CPLANE1: variants seen among roughly 807,000 people sequenced by gnomAD.
The protein encoded by CPLANE1 is ciliogenesis and planar polarity effector 1.
CPLANE1 carries 263 observed loss-of-function variants against 362.5 expected under a neutral mutation model. That is an observed-to-expected ratio of 0.73 (90% CI 0.66 to 0.80). CPLANE1 has a LOEUF of 0.80. Ranked by LOEUF, CPLANE1 falls within the 30% of genes least tolerant of loss-of-function variation. The pLI, the probability that CPLANE1 is intolerant of heterozygous loss-of-function variation, is 0.00. For synonymous variants in CPLANE1, 1,212 were observed against 1,302.6 expected (o/e 0.93, Z 1.50); for missense variants, 3,461 against 3,793.4 (o/e 0.91, Z 2.30).
chr5:37,165,544 G>A lies in CPLANE1; in HGVS notation c.7528C>T (p.Pro2510Ser). Residue 2510 changes from proline (P) to serine (S), a missense_variant, in exon 36 of 53, where the codon CCC becomes TCC. Coordinates refer to ENST00000651892, the MANE Select transcript of CPLANE1 (RefSeq NM_001384732.1). ...CTATAGCAGTTTTTCTATACCTTGG[G>A]TTTCTTAATGATTTCTGAATCATCA... is the stretch of plus-strand genomic sequence containing the variant. ...NNDDSEIIKK[P>S]KEQQEHCGSH... The A allele has an allele frequency of 6.2e-7, 1 of 1,608,134 alleles. No individual in the cohort carries two copies. The highest frequency in any genetic ancestry group is 2.2e-5 in the East Asian group (1 of 44,760).
chr5:37,144,472 C>T (rs2098713), intron 43 of CPLANE1, among the ~76,000 whole-genome samples: 74,535 of 150,564 alleles, frequency 0.5, 20,886 homozygotes, highest in African/African-American at 0.78. Flanking sequence ...AGAGAAAATA[C>T]CAGAGAGCAT....
chr5:37,116,227 G>A (rs1760914267), intron 50 of CPLANE1, among the ~76,000 whole-genome samples: 1 of 152,090 alleles, frequency 6.6e-6, no homozygotes, highest in African/African-American at 2.4e-5. Flanking sequence ...GCTCACACCT[G>A]TAATCCCATC....
chr5:37,110,250 T>G (rs1758762363), intron 51 of CPLANE1, among the ~76,000 whole-genome samples: 1 of 152,132 alleles, frequency 6.6e-6, no homozygotes, highest in South Asian at 2.1e-4. Flanking sequence ...CCACCATATC[T>G]CTCGTCACCT....
intron 15 of CPLANE1, among the ~76,000 whole-genome samples, chr5:37,219,189 A>G: frequency 6.6e-6 from 1 of 152,008 alleles, no homozygotes; most frequent in East Asian, 1.9e-4. Flanking sequence ...CAGCCTGCGC[A>G]ATATACCAAG....
chr5:37,107,962 A>G (rs1758008699), intron 52 of CPLANE1, among the ~76,000 whole-genome samples, 184 bp from the exon 53 acceptor site: 1 of 152,224 alleles, frequency 6.6e-6, no homozygotes. Context: ...GATGGACAAG[A>G]GCTGAACATC....
At chr5:37,085,562 T>C in the CPLANE1 span, 1 of 835,516 alleles carries the variant, frequency 1.2e-6, no homozygotes, top group East Asian at 2.4e-5. Context: ...GCAAGATTAC[T>C]GTTTTCATCA....
chr5:37,075,758 CCTT>C, the CPLANE1 span, among the ~76,000 whole-genome samples: 1 of 152,160 alleles, frequency 6.6e-6, no homozygotes, highest in Non-Finnish European at 1.5e-5. Context: ...AAGCTTGCTG[CCTT>C]CTTCCCGGAA....
In CPLANE1 at chr5:37,247,717, G is replaced by T; in HGVS notation, c.-19C>A. 6.5e-7 allele frequency: 1 copy of T among 1,533,540 alleles called. No homozygotes were observed. Among genetic ancestry groups the T allele is most frequent in the South Asian group, 1.2e-5 (1 of 81,714 alleles). The allele number at this position is 1,533,540 out of a possible 1,614,324, so 95.0% of individuals were successfully genotyped here. Reference sequence around the variant, plus strand: ...TCTCCATGTTTGTTAAGCTATCAATGACCAATTAAGTAAAACAGTCCCAAG... The same window carrying T: ...TCTCCATGTTTGTTAAGCTATCAATTACCAATTAAGTAAAACAGTCCCAAG... On this transcript the variant is annotated 5_prime_UTR_variant, in exon 2 of 53. Transcript: ENST00000651892.
chr5:37,104,250 G>A (rs961676541), downstream of CPLANE1, among the ~76,000 whole-genome samples: 1 of 152,078 alleles, frequency 6.6e-6, no homozygotes, highest in African/African-American at 2.4e-5. Flanking sequence ...GGTTATTCTG[G>A]CTATCAGCTC....
chr5:37,212,489 G>C, intron 16 of CPLANE1: 1 of 515,850 alleles, frequency 1.9e-6, no homozygotes, highest in Non-Finnish European at 3.6e-6. Flanking sequence ...ATAAAAATGT[G>C]TAATCCAAAA....
chr5:37,125,536 T>G (rs1379662020), intron 46 of CPLANE1, 127 bp from the exon 47 acceptor site: 2 of 805,574 alleles, frequency 2.5e-6, no homozygotes, highest in Non-Finnish European at 3.8e-6. Context: ...TATACTTATG[T>G]TCTCTAGTCA....
In CPLANE1 at chr5:37,232,521, GAA is replaced by G. The variant is rs36033877; in HGVS notation, c.939-1474_939-1473del. Among the ~76,000 whole-genome samples, 326 of 119,492 alleles carry G rather than the reference GAA, an allele frequency of 2.7e-3. 3 individuals are homozygous for G. Among genetic ancestry groups the G allele is most frequent in the African/African-American group, 6.9e-3 (222 of 32,116 alleles). 78.4% of individuals were successfully genotyped at this position (119,492 alleles called of 152,430 possible). A position where few individuals can be genotyped will look rare whatever the true frequency, so the allele number is the denominator to read the frequency against. On this transcript the variant is annotated intron_variant, in intron 8 of 52. Transcript: ENST00000651892. ...GACAGAGCAAGACTCCATCTTGGGGGAAAAAAAAAAAAAAAAAAAGACTAGGC... is the reference window on the plus strand; with the variant it reads ...GACAGAGCAAGACTCCATCTTGGGGGAAAAAAAAAAAAAAAAAGACTAGGC...
chr5:37,087,998 A>G, the CPLANE1 span, among the ~76,000 whole-genome samples: 1 of 152,234 alleles, frequency 6.6e-6, no homozygotes, highest in Admixed American at 6.5e-5. Context: ...AAGACATAAC[A>G]GCTGATATGC....
At chr5:37,140,351 T>C in intron 44 of CPLANE1, 1 of 980,788 alleles carries the variant, frequency 1.0e-6, no homozygotes, top group Non-Finnish European at 1.2e-6. Flanking sequence ...AAACATATTG[T>C]TCTATTTAAT....
chr5:37,209,604 C>A lies in CPLANE1; in HGVS notation c.2921-3179G>T, dbSNP rs886814487. 2.1e-6 allele frequency: 3 copies of A among 1,428,902 alleles called. No homozygotes were observed. Among genetic ancestry groups the A allele is most frequent in the African/African-American group, 1.4e-5 (1 of 71,172 alleles). The allele number at this position is 1,428,902 out of a possible 1,614,324, so 88.5% of individuals were successfully genotyped here. ...TGCCTCTAACTCTTTAGTGGCAGAT[C>A]ACTTACAAAGATGTGGCTGTGAATA... On this transcript the variant is annotated intron_variant, in intron 16 of 52. Transcript: ENST00000651892. This position sits in a 1 kb window ranked among gnomAD's most constrained non-coding sequence, Gnocchi z 4.6.
Position 37,140,675 on chromosome 5 carries a change from G to C in CPLANE1, c.8633-1305C>G, listed in dbSNP as rs147347311. On this transcript the variant is annotated intron_variant, in intron 44 of 52. Coordinates refer to ENST00000651892, the MANE Select transcript of CPLANE1 (RefSeq NM_001384732.1). ...CGACTGGGCTGCATATGGGGAAGTA[G>C]GTGAGATTAGCGAAGATGGTGACCT... 1.0e-2 allele frequency: 9,842 copies of C among 985,360 alleles called. 56 individuals carry two copies. The highest frequency in any genetic ancestry group is 0.011 in the Non-Finnish European group (9,114 of 829,934). The allele number at this position is 985,360 out of a possible 1,614,324, so 61.0% of individuals were successfully genotyped here.
intron 5 of CPLANE1, among the ~76,000 whole-genome samples, chr5:37,243,733 T>C (rs1738478425): frequency 6.8e-6 from 1 of 146,494 alleles, no homozygotes; most frequent in African/African-American, 2.5e-5. Flanking sequence ...ATGTATTATA[T>C]ATAATATATA....
chr5:37,157,710 T>G lies in CPLANE1; in HGVS notation c.7971A>C (p.Ser2657=). 6.2e-7 allele frequency: 1 copy of G among 1,613,990 alleles called. No individual in the cohort carries two copies. The highest frequency in any genetic ancestry group is 1.1e-5 in the South Asian group (1 of 91,066). The part of the protein sequence containing the change: ...SSAELHYMAA[S]VTNAVPPHNF... The stretch of plus-strand genomic sequence containing the variant: ...TATGTGGGGGAACAGCATTAGTAAC[T>G]GAAGCTGCCATATAATGTAACTCTG... The change falls in exon 40 of 53, where the codon TCA becomes TCC. Residue 2657 remains serine (S), a synonymous_variant. Coordinates refer to ENST00000651892, the MANE Select transcript of CPLANE1 (RefSeq NM_001384732.1).
the CPLANE1 span, chr5:37,085,778 C>G: frequency 2.1e-6 from 3 of 1,444,812 alleles, no homozygotes; most frequent in Non-Finnish European, 2.9e-6. Context: ...TTCTCTTCCC[C>G]GAGGAAAGGG....
Sources: allele counts gnomAD v4.1 joint callset (sites outside exome capture counted in the v4.1 genomes callset), GRCh38; gene constraint gnomAD v4.1.1; non-coding constraint Gnocchi (gnomAD v3.1); transcripts MANE v1.5; gene names NCBI Gene and HGNC (gene_info 2026-07-23, HGNC 2026-07-21).